The following TCF12 variants were observed in gnomAD, a reference collection of about 807,000 sequenced individuals.
TCF12 encodes transcription factor 12, also known as DNA-binding protein HTF4.
A neutral mutation model predicts 86.0 loss-of-function variants in TCF12; 45 were observed. The observed-to-expected ratio is 0.52, with a 90% CI of 0.41 to 0.67. TCF12 has a LOEUF of 0.67. Ranked by LOEUF, TCF12 falls within the 30% of genes least tolerant of loss-of-function variation. TCF12 has a pLI of 0.00. For missense variants in TCF12, 881 were observed against 859.9 expected (o/e 1.02, Z -0.31); for synonymous variants, 330 against 299.6 (o/e 1.10, Z -1.05).
At position 57,282,474 on chromosome 15, in the gene TCF12, C is replaced by G; in HGVS notation, c.2008C>G (p.Leu670Val). 1 of 1,614,180 alleles carries G rather than the reference C, an allele frequency of 6.2e-7. No homozygotes were observed. Among genetic ancestry groups the G allele is most frequent in the Non-Finnish European group, 8.5e-7 (1 of 1,180,034 alleles). Residue 670 changes from leucine (L) to valine (V), a missense_variant, in exon 20 of 21, where the codon CTT becomes GTT. Physicochemically the swap from Leu to Val is conservative, Grantham distance 32 (BLOSUM62 1). Transcript: ENST00000333725. ...GAACCTTAACCCCAAAGCAGCCTGCCTTAAGAGAAGGGAAGAAGAAAAAGT... is the reference window on the plus strand; with the variant it reads ...GAACCTTAACCCCAAAGCAGCCTGCGTTAAGAGAAGGGAAGAAGAAAAAGT... ...ERNLNPKAAC[L>V]KRREEEKVSA...
intron 3 of TCF12, among the ~76,000 whole-genome samples, chr15:57,028,859 T>G (rs1596200753): frequency 6.6e-6 from 1 of 152,026 alleles, no homozygotes; most frequent in South Asian, 2.1e-4. Flanking sequence ...GGTGCAGTAA[T>G]GCGATCTTGG....
chr15:56,923,270 A>G (rs1407876383), intron 3 of TCF12, among the ~76,000 whole-genome samples: 1 of 152,116 alleles, frequency 6.6e-6, no homozygotes, highest in Non-Finnish European at 1.5e-5. Flanking sequence ...TTTAGCTGAA[A>G]GAATATATAC....
chr15:57,070,059 A>T (rs1268463001), intron 4 of TCF12, among the ~76,000 whole-genome samples: 1 of 152,186 alleles, frequency 6.6e-6, no homozygotes, highest in East Asian at 1.9e-4. Context: ...GGTACTAATA[A>T]TAACTTCCTC....
chr15:57,010,634 G>A (rs1693118933), intron 3 of TCF12, among the ~76,000 whole-genome samples: 1 of 152,180 alleles, frequency 6.6e-6, no homozygotes, highest in East Asian at 1.9e-4. Flanking sequence ...GCTCCTTAAA[G>A]CAAAAATAAG....
intron 4 of TCF12, among the ~76,000 whole-genome samples, chr15:57,088,265 C>T (rs1300249299): frequency 1.3e-5 from 2 of 152,190 alleles, no homozygotes; most frequent in African/African-American, 2.4e-5. Flanking sequence ...CTCTGCTATT[C>T]TGTCAGCCCC....
chr15:57,000,548 A>G lies in TCF12; in HGVS notation c.149-63202A>G, dbSNP rs1263666789. Among the ~76,000 whole-genome samples the G allele has an allele frequency of 2.6e-5, 4 of 152,210 alleles. 1 individual carries two copies. Among genetic ancestry groups the G allele is most frequent in the Admixed American group, 6.5e-5 (1 of 15,278 alleles). ...GTAGAAACTAGACAAAAGATTGAAAATTAATCATCTGAGCTTCCACCTTAG... is the reference window on the plus strand; with the variant it reads ...GTAGAAACTAGACAAAAGATTGAAAGTTAATCATCTGAGCTTCCACCTTAG... On this transcript the variant is annotated intron_variant, in intron 3 of 20. Coordinates refer to ENST00000333725, the MANE Select transcript of TCF12 (RefSeq NM_207037.2).
intron 18 of TCF12, among the ~76,000 whole-genome samples, chr15:57,270,049 C>A (rs1439240706): frequency 6.6e-6 from 1 of 152,134 alleles, no homozygotes; most frequent in Non-Finnish European, 1.5e-5. Context: ...AGTTGCTCAT[C>A]TTGAGGAGTA....
rs1392277768 is a variant in TCF12, at chr15:57,234,051, G to T, written c.979G>T (p.Gly327Trp). Reference sequence around the variant, plus strand: ...CTCTATGAAATATCCAGGAACCAGAGGGAATGCTGCTGGAAGCTCACAGAC... The same window carrying T: ...CTCTATGAAATATCCAGGAACCAGATGGAATGCTGCTGGAAGCTCACAGAC... ...NGSDSILGTR[G>W]NAAGSSQTGD... Residue 327 changes from glycine to tryptophan, a missense_variant, in exon 12 of 21, where the codon GGG becomes TGG. By Grantham distance (184) the Gly-to-Trp change is radical. Transcript: ENST00000333725. The T allele has an allele frequency of 6.2e-7, 1 of 1,613,272 alleles. No homozygotes were observed. The highest frequency in any genetic ancestry group is 1.3e-5 in the African/African-American group (1 of 74,902).
intron 3 of TCF12, among the ~76,000 whole-genome samples, chr15:57,058,139 C>T (rs1457785117): frequency 2.6e-5 from 4 of 152,152 alleles, no homozygotes; most frequent in African/African-American, 9.7e-5. Flanking sequence ...CTATATAGTT[C>T]CCATTAAACA....
At chr15:56,932,204 A>G (rs2060276531) in intron 3 of TCF12, among the ~76,000 whole-genome samples, 1 of 152,224 alleles carries the variant, frequency 6.6e-6, no homozygotes, top group African/African-American at 2.4e-5. Context: ...ATCAGTGATG[A>G]TAAGAGTGCT....
chr15:56,920,674 T>G (rs2059751339), intron 2 of TCF12, among the ~76,000 whole-genome samples: 1 of 152,134 alleles, frequency 6.6e-6, no homozygotes, highest in Admixed American at 6.5e-5. Flanking sequence ...ATGTAGTAAT[T>G]TAATGGGCCA....
At chr15:57,212,623 T>C (rs1786988638) in intron 8 of TCF12, among the ~76,000 whole-genome samples, 1 of 152,074 alleles carries the variant, frequency 6.6e-6, no homozygotes, top group African/African-American at 2.4e-5. Context: ...ATAATGGAAT[T>C]TTAAAAAAAG....
intron 3 of TCF12, among the ~76,000 whole-genome samples, chr15:57,027,770 A>G (rs1583157): frequency 1 from 151,900 of 152,168 alleles, 75,817 homozygotes; most frequent in Middle Eastern, 1. Flanking sequence ...GAATCATGGG[A>G]GTGAATTTTC....
chr15:57,030,906 A>G (rs1266722688), intron 3 of TCF12, among the ~76,000 whole-genome samples: 1 of 152,176 alleles, frequency 6.6e-6, no homozygotes, highest in Non-Finnish European at 1.5e-5. Context: ...GGCTCATATG[A>G]GATAGTTTTG....
chr15:57,096,986 G>A (rs1465618574), intron 5 of TCF12, among the ~76,000 whole-genome samples: 1 of 152,102 alleles, frequency 6.6e-6, no homozygotes, highest in Non-Finnish European at 1.5e-5. Flanking sequence ...GGCACCTCTG[G>A]TAAAGCTTCT....
intron 3 of TCF12, among the ~76,000 whole-genome samples, chr15:56,922,370 C>A (rs1420761087): frequency 6.6e-6 from 1 of 151,906 alleles, no homozygotes; most frequent in East Asian, 1.9e-4. Context: ...GTCACTGATA[C>A]AATAACATGA....
chr15:56,920,642 A>G (rs557364876), intron 2 of TCF12, among the ~76,000 whole-genome samples: 1 of 152,232 alleles, frequency 6.6e-6, no homozygotes, highest in Admixed American at 6.5e-5. Context: ...GCTTTATACA[A>G]TTCAGTTATA....
intron 4 of TCF12, among the ~76,000 whole-genome samples, chr15:57,081,661 C>A (rs544929727): frequency 1.3e-5 from 2 of 152,154 alleles, no homozygotes; most frequent in Non-Finnish European, 2.9e-5. Flanking sequence ...CCTCAGCCTC[C>A]CAAGTAGCTG....
intron 6 of TCF12, among the ~76,000 whole-genome samples, chr15:57,174,310 A>G (rs773545514): frequency 1.1e-4 from 17 of 152,238 alleles, no homozygotes; most frequent in Non-Finnish European, 7.3e-5. Flanking sequence ...AATCAAGAAG[A>G]AAAACAATGT....
Sources: gnomAD v4.1 joint callset for allele counts (sites outside exome capture counted in the v4.1 genomes callset) on GRCh38, gnomAD v4.1.1 for gene constraint, MANE v1.5 for transcripts, NCBI Gene and HGNC (gene_info 2026-07-23, HGNC 2026-07-21) for gene names.